ZFP92: variants seen among roughly 807,000 people sequenced by gnomAD.
ZFP92 encodes ZFP92 zinc finger protein.
A neutral mutation model predicts 7.6 loss-of-function variants in ZFP92; 2 were observed. The ratio of observed to expected loss-of-function variants is 0.26; its 90% CI spans 0.11 to 0.83. The LOEUF (loss-of-function observed/expected upper bound fraction) is 0.83, where lower values mean the gene tolerates loss of function less well. Among genes scored for constraint, ZFP92 ranks in the 40% least tolerant of loss-of-function variants. ZFP92 has a pLI of 0.65. For missense variants in ZFP92, 324 were observed against 408.3 expected, an observed-to-expected ratio of 0.79 and a Z score of 1.78; for synonymous variants, 226 against 183.6, an observed-to-expected ratio of 1.23 and a Z score of -1.87.
intron 2 of ZFP92, among the ~76,000 whole-genome samples, chrX:153,417,953 G>A (rs1354120518): frequency 1.8e-5 from 2 of 112,060 alleles, no homozygotes; most frequent in African/African-American, 6.5e-5. Flanking sequence ...GAAGACAGAG[G>A]CCAAGAAGGA....
chrX:153,417,776 G>A (rs782542798), intron 2 of ZFP92, among the ~76,000 whole-genome samples: 1 of 112,023 alleles, frequency 8.9e-6, no homozygotes, highest in African/African-American at 3.2e-5. Context: ...CTCAACTCCT[G>A]GTATCTGTGA....
rs1335271091 is a variant in ZFP92 at position 153,411,596 on chromosome X, C to T, written c.-175C>T. Among the ~76,000 whole-genome samples the T allele has an allele frequency of 3.5e-5, 4 of 113,038 alleles. No individual in the cohort carries two copies. Among genetic ancestry groups the T allele is most frequent in the Non-Finnish European group, 5.6e-5 (3 of 53,175 alleles). On this transcript the variant is annotated 5_prime_UTR_variant, in exon 1 of 6. Transcript: ENST00000338647. Reference sequence around the variant, plus strand: ...AGCCCCCACCCCCCGCCCGCGTTTCCTGGGGACGCGGCCTCGGAGGGCTTC... The same window carrying T: ...AGCCCCCACCCCCCGCCCGCGTTTCTTGGGGACGCGGCCTCGGAGGGCTTC...
Position 153,421,509 on chromosome X carries a change from G to A in ZFP92, c.1132G>A (p.Ala378Thr), listed in dbSNP as rs2089003340. ...AVHGARRPAKAETARRLAGPG... is the reference protein window; with the variant it reads ...AVHGARRPAKTETARRLAGPG... ...GCACGGCGCCAGGCGCCCTGCGAAGGCGGAGACGGCGCGGAGGCTAGCGGG... is the reference window on the plus strand; with the variant it reads ...GCACGGCGCCAGGCGCCCTGCGAAGACGGAGACGGCGCGGAGGCTAGCGGG... Residue 378 changes from alanine to threonine, a missense_variant, in exon 6 of 6, where the codon GCG becomes ACG. Physicochemically the swap from Ala to Thr is moderately conservative, Grantham distance 58. Transcript: ENST00000338647. 6 of 1,141,955 alleles carry A rather than the reference G, an allele frequency of 5.3e-6. No individual in the cohort carries two copies. Among genetic ancestry groups the A allele is most frequent in the Middle Eastern group, 2.9e-4 (1 of 3,452 alleles). The allele number at this position is 1,141,955 out of a possible 1,213,427, so 94.1% of individuals were successfully genotyped here. A position where few individuals can be genotyped will look rare whatever the true frequency, so the allele number is the denominator to read the frequency against.
At chrX:153,417,969 G>A (rs1001325058) in intron 2 of ZFP92, among the ~76,000 whole-genome samples, 1 of 112,201 alleles carries the variant, frequency 8.9e-6, no homozygotes, top group Non-Finnish European at 1.9e-5. Flanking sequence ...AAGGATTGCT[G>A]GAAACCACCA....
intron 2 of ZFP92, among the ~76,000 whole-genome samples, chrX:153,413,273 A>G (rs2088923940): frequency 9.7e-6 from 1 of 103,081 alleles, no homozygotes; most frequent in Non-Finnish European, 2.0e-5. Context: ...TTTTTCTGGG[A>G]ATATCTCCCC....
rs1029195547 is a variant in ZFP92 at position 153,416,209 on chromosome X, T to G, written c.-18-2096T>G. Reference sequence around the variant, plus strand: ...CCAAGGCTGCGTTCAAATCCAGTCATATGGCTTTGGTAGGATACCTTCCTA... The same window carrying G: ...CCAAGGCTGCGTTCAAATCCAGTCAGATGGCTTTGGTAGGATACCTTCCTA... On this transcript the variant is annotated intron_variant, in intron 2 of 5. Coordinates refer to ENST00000338647, the MANE Select transcript of ZFP92 (RefSeq NM_001136273.2). Among the ~76,000 whole-genome samples, 8 of 111,527 alleles carry G rather than the reference T, an allele frequency of 7.2e-5. 2 individuals are homozygous for G. The East Asian group carries it at 2.3e-3, about 32-fold the overall frequency.
rs1350373816 is a variant in ZFP92, at chrX:153,426,400, T to C, written c.*4772T>C. On this transcript the variant is annotated 3_prime_UTR_variant, in exon 6 of 6. Coordinates refer to ENST00000338647, the MANE Select transcript of ZFP92 (RefSeq NM_001136273.2). ...TTGTATGGGTGGACCACAATACCTG[T>C]TGAATACCTGTTGATGGACATTTGG... is the stretch of plus-strand genomic sequence containing the variant. The C allele has an allele frequency of 1.8e-5, 2 of 111,431 alleles. No homozygotes were observed. The highest frequency in any genetic ancestry group is 6.5e-5 in the African/African-American group (2 of 30,571). The allele number at this position is 111,431 out of a possible 1,213,427, so 9.2% of individuals were successfully genotyped here. A position where few individuals can be genotyped will look rare whatever the true frequency, so the allele number is the denominator to read the frequency against.
rs2089037619 is a variant in ZFP92 at position 153,425,632 on chromosome X, T to C, written c.*4004T>C. The C allele has an allele frequency of 9.0e-6, 1 of 111,689 alleles. No homozygotes were observed. Among genetic ancestry groups the C allele is most frequent in the Non-Finnish European group, 1.9e-5 (1 of 53,086 alleles). The allele number at this position is 111,689 out of a possible 1,213,427, so 9.2% of individuals were successfully genotyped here. On this transcript the variant is annotated 3_prime_UTR_variant, in exon 6 of 6. Coordinates refer to ENST00000338647, the MANE Select transcript of ZFP92 (RefSeq NM_001136273.2). ...GTCGTCTCGATGGTTGTGATGCCCA[T>C]GAGGTGTTGGGCTGGGGGCATGATG... is the stretch of plus-strand genomic sequence containing the variant.
chrX:153,421,548 G>A lies in ZFP92; in HGVS notation c.1171G>A (p.Gly391Ser), dbSNP rs1225127862. Residue 391 changes from glycine to serine, a missense_variant, in exon 6 of 6, where the codon GGC (glycine) becomes AGC (serine). Physicochemically the swap from Gly to Ser is moderately conservative, Grantham distance 56 (BLOSUM62 0). Transcript: ENST00000338647. Reference protein sequence around the residue: ...ARRLAGPGSTGPGSAVAATSP... With the variant: ...ARRLAGPGSTSPGSAVAATSP... ...GAGGCTAGCGGGCCCTGGGAGCACCGGCCCTGGGAGCGCGGTGGCGGCCAC... is the reference window on the plus strand; with the variant it reads ...GAGGCTAGCGGGCCCTGGGAGCACCAGCCCTGGGAGCGCGGTGGCGGCCAC... 2.7e-6 allele frequency: 3 copies of A among 1,093,414 alleles called. No homozygotes were observed. The highest frequency in any genetic ancestry group is 3.5e-6 in the Non-Finnish European group (3 of 845,961). 90.1% of individuals were successfully genotyped at this position (1,093,414 alleles called of 1,213,427 possible).
chrX:153,420,636 T>C lies in ZFP92; in HGVS notation c.266-7T>C. Reference sequence around the variant, plus strand: ...GGGTGACACTGCCTGGTGCTCTGTCTTTCCAGGTGACAGAACACAGAGCAA... The same window carrying C: ...GGGTGACACTGCCTGGTGCTCTGTCCTTCCAGGTGACAGAACACAGAGCAA... On this transcript the variant is annotated splice_region_variant and splice_polypyrimidine_tract_variant and intron_variant, in intron 5 of 5. Transcript: ENST00000338647. 9.0e-7 allele frequency: 1 copy of C among 1,106,178 alleles called. No individual in the cohort carries two copies. The highest frequency in any genetic ancestry group is 2.5e-4 in the Middle Eastern group (1 of 3,986). 91.2% of individuals were successfully genotyped at this position (1,106,178 alleles called of 1,213,427 possible). A position where few individuals can be genotyped will look rare whatever the true frequency, so the allele number is the denominator to read the frequency against.
intron 2 of ZFP92, among the ~76,000 whole-genome samples, chrX:153,417,204 C>A (rs782306198): frequency 1.8e-5 from 2 of 112,453 alleles, no homozygotes; most frequent in South Asian, 7.4e-4. Flanking sequence ...TTTCATGTTC[C>A]CTACTCTTAG....
At position 153,420,755 on chromosome X, in the gene ZFP92, G is replaced by A; in HGVS notation, c.378G>A (p.Val126=). The part of the protein sequence containing the change: ...GKEGQAARSS[V]LQRGAQGLGQ... Reference sequence around the variant, plus strand: ...AGGGGCAGGCGGCGAGGTCGTCTGTGCTCCAGAGAGGTGCCCAGGGCTTGG... The same window carrying A: ...AGGGGCAGGCGGCGAGGTCGTCTGTACTCCAGAGAGGTGCCCAGGGCTTGG... Residue 126 remains valine, a synonymous_variant, in exon 6 of 6, where the codon GTG becomes GTA. Transcript: ENST00000338647. The A allele has an allele frequency of 8.6e-7, 1 of 1,165,679 alleles. No homozygotes were observed. Among genetic ancestry groups the A allele is most frequent in the African/African-American group, 1.8e-5 (1 of 56,518 alleles).
chrX:153,419,284 G>A (rs569737563), intron 4 of ZFP92, among the ~76,000 whole-genome samples: 498 of 112,505 alleles, frequency 4.4e-3, no homozygotes, highest in South Asian at 0.017. Flanking sequence ...GAGAAGTCCC[G>A]GGAGGAGCTG....
chrX:153,417,845 T>C (rs147229361), intron 2 of ZFP92, among the ~76,000 whole-genome samples: 101 of 111,844 alleles, frequency 9.0e-4, no homozygotes, highest in African/African-American at 3.0e-3. Flanking sequence ...GATGAGGTCA[T>C]ACTGTAGGAG....
intron 2 of ZFP92, among the ~76,000 whole-genome samples, chrX:153,414,497 G>A (rs782482110): frequency 4.5e-5 from 5 of 110,649 alleles, no homozygotes; most frequent in Non-Finnish European, 9.5e-5. Context: ...ACAGACACGC[G>A]CCACCACACC....
Position 153,421,124 on chromosome X carries a change from C to G in ZFP92, c.747C>G (p.Phe249Leu). 1 of 1,176,440 alleles carries G rather than the reference C, an allele frequency of 8.5e-7. No individual in the cohort carries two copies. Among genetic ancestry groups the G allele is most frequent in the South Asian group, 1.9e-5 (1 of 53,465 alleles). Residue 249 changes from phenylalanine to leucine, a missense_variant, in exon 6 of 6, where the codon TTC becomes TTG. Physicochemically the swap from Phe to Leu is conservative, Grantham distance 22. Coordinates refer to ENST00000338647, the MANE Select transcript of ZFP92 (RefSeq NM_001136273.2). ...GCGGCAAACTGTTCCGCCGCAGCTTCGCGCTCCTGGAGCACGCGCGCGTGC... is the reference window on the plus strand; with the variant it reads ...GCGGCAAACTGTTCCGCCGCAGCTTGGCGCTCCTGGAGCACGCGCGCGTGC... Reference protein sequence around the residue: ...GDCGKLFRRSFALLEHARVHS... With the variant: ...GDCGKLFRRSLALLEHARVHS...
chrX:153,420,180 C>A, intron 4 of ZFP92, 48 bp from the exon 5 acceptor site: 1 of 1,018,493 alleles, frequency 9.8e-7, no homozygotes, highest in East Asian at 3.4e-5. Flanking sequence ...AGGAGCGACC[C>A]TGCCCTCAGC....
intron 1 of ZFP92, among the ~76,000 whole-genome samples, 21 bp downstream of exon 1, chrX:153,411,724 C>T: frequency 8.9e-6 from 1 of 112,924 alleles, no homozygotes; most frequent in African/African-American, 3.2e-5. Flanking sequence ...CGAGCTGGGC[C>T]GCAGGGGTGC....
In ZFP92 at chrX:153,421,699, C is replaced by T. The variant is rs950931307; in HGVS notation, c.*71C>T. 1 of 912,632 alleles carries T rather than the reference C, an allele frequency of 1.1e-6. No individual in the cohort carries two copies. The highest frequency in any genetic ancestry group is 1.4e-6 in the Non-Finnish European group (1 of 740,512). The allele number at this position is 912,632 out of a possible 1,213,427, so 75.2% of individuals were successfully genotyped here. A position where few individuals can be genotyped will look rare whatever the true frequency, so the allele number is the denominator to read the frequency against. ...CTTCCTGGGGACGTCGAGGCTCAGC[C>T]CCCTTCAGGTGGGAAGACCGCCCTC... On this transcript the variant is annotated 3_prime_UTR_variant, in exon 6 of 6. Coordinates refer to ENST00000338647, the MANE Select transcript of ZFP92 (RefSeq NM_001136273.2).
Sources: allele counts gnomAD v4.1 joint callset (sites outside exome capture counted in the v4.1 genomes callset), GRCh38; gene constraint gnomAD v4.1.1; transcripts MANE v1.5; gene names NCBI Gene and HGNC (gene_info 2026-07-23, HGNC 2026-07-21).